SPOCK3: variants seen among roughly 807,000 people sequenced by gnomAD.
SPOCK3 encodes the protein testican-3.
A neutral mutation model predicts 56.6 loss-of-function variants in SPOCK3; 30 were observed. The observed-to-expected ratio is 0.53, with a 90% CI of 0.40 to 0.72. SPOCK3 has a LOEUF of 0.72. Ranked by LOEUF, SPOCK3 falls within the 30% of genes least tolerant of loss-of-function variation. SPOCK3 has a pLI of 0.00. For synonymous variants in SPOCK3, 196 were observed against 183.3 expected (o/e 1.07, Z -0.56); for missense variants, 527 against 530.0 (o/e 0.99, Z 0.06).
chr4:166,914,388 T>G (rs1021168841), intron 4 of SPOCK3, among the ~76,000 whole-genome samples: 3 of 151,976 alleles, frequency 2.0e-5, no homozygotes, highest in Non-Finnish European at 4.4e-5. Context: ...TATTAATAAA[T>G]TTCTCTTATA....
intron 4 of SPOCK3, among the ~76,000 whole-genome samples, chr4:166,987,780 C>T (rs553562322): frequency 2.0e-5 from 3 of 152,230 alleles, no homozygotes; most frequent in African/African-American, 7.2e-5. Flanking sequence ...TTTCTATTTA[C>T]AGAAGGACTA....
chr4:166,968,791 C>T (rs1011229902), intron 4 of SPOCK3, among the ~76,000 whole-genome samples: 6 of 152,156 alleles, frequency 3.9e-5, no homozygotes, highest in Admixed American at 1.3e-4. Context: ...GCCTAGCGGA[C>T]GTATGAGAAC....
Position 166,889,011 on chromosome 4 carries a change from T to C in SPOCK3, c.589+119A>G, listed in dbSNP as rs1460552617. 8 of 661,116 alleles carry C rather than the reference T, an allele frequency of 1.2e-5. No individual in the cohort carries two copies. In the Admixed American group the frequency reaches 2.3e-4, roughly 19 times the overall value. The allele number at this position is 661,116 out of a possible 1,614,324, so 41.0% of individuals were successfully genotyped here. A position where few individuals can be genotyped will look rare whatever the true frequency, so the allele number is the denominator to read the frequency against. ...AAAATATCTTCAATAAAAATATAAATGATATTGGGTATTTGTATAAAAACA... is the reference window on the plus strand; with the variant it reads ...AAAATATCTTCAATAAAAATATAAACGATATTGGGTATTTGTATAAAAACA... On this transcript the variant is annotated intron_variant, in intron 6 of 10. Coordinates refer to ENST00000357545, the MANE Select transcript of SPOCK3 (RefSeq NM_001040159.2).
intron 8 of SPOCK3, among the ~76,000 whole-genome samples, chr4:166,745,294 C>G (rs1560811773): frequency 6.6e-6 from 1 of 152,168 alleles, no homozygotes; most frequent in Non-Finnish European, 1.5e-5. Context: ...GATCTCTCAG[C>G]AGAAACTCTA....
At chr4:167,117,223 A>G (rs1454425349) in intron 2 of SPOCK3, among the ~76,000 whole-genome samples, 1 of 152,094 alleles carries the variant, frequency 6.6e-6, no homozygotes, top group Admixed American at 6.6e-5. Context: ...TATCCATAAA[A>G]ATTTAAAAAA....
At chr4:166,749,408 G>T (rs900573587) in intron 8 of SPOCK3, among the ~76,000 whole-genome samples, 1 of 150,984 alleles carries the variant, frequency 6.6e-6, no homozygotes, top group Non-Finnish European at 1.5e-5. Context: ...AACACCACAT[G>T]TTCTCACTCA....
chr4:166,940,621 C>G (rs953053070), intron 4 of SPOCK3, among the ~76,000 whole-genome samples: 3 of 151,340 alleles, frequency 2.0e-5, no homozygotes, highest in African/African-American at 7.3e-5. Context: ...TAAAAAACCC[C>G]TAGGAAGAGA....
At chr4:167,109,562 G>A in intron 2 of SPOCK3, among the ~76,000 whole-genome samples, 1 of 125,250 alleles carries the variant, frequency 8.0e-6, no homozygotes, top group Non-Finnish European at 1.6e-5. Flanking sequence ...ATATAAATAT[G>A]TTACAAATAT....
intron 2 of SPOCK3, among the ~76,000 whole-genome samples, chr4:167,206,303 G>A (rs534211994): frequency 2.6e-5 from 4 of 152,020 alleles, no homozygotes; most frequent in Non-Finnish European, 4.4e-5. Context: ...CAGCCTGAGC[G>A]ACAGAAGTGA....
At chr4:166,902,947 T>C (rs1736214601) in intron 5 of SPOCK3, among the ~76,000 whole-genome samples, 1 of 150,762 alleles carries the variant, frequency 6.6e-6, no homozygotes. Flanking sequence ...AATTTGTCTC[T>C]AACAATTTTA....
intron 3 of SPOCK3, among the ~76,000 whole-genome samples, chr4:167,027,931 T>A (rs1751856203): frequency 6.6e-6 from 1 of 152,022 alleles, no homozygotes; most frequent in Admixed American, 6.6e-5. Context: ...AAGTTTTGTT[T>A]TTTGTTTTCT....
intron 6 of SPOCK3, among the ~76,000 whole-genome samples, chr4:166,879,297 G>A (rs1733445602): frequency 6.6e-6 from 1 of 152,042 alleles, no homozygotes; most frequent in Admixed American, 6.6e-5. Flanking sequence ...GGGAGCCTGA[G>A]GTAAGAGGAT....
At chr4:167,224,175 TC>T (rs942590608) in intron 2 of SPOCK3, among the ~76,000 whole-genome samples, 1 of 152,198 alleles carries the variant, frequency 6.6e-6, no homozygotes, top group Admixed American at 6.6e-5. Flanking sequence ...ACATATTTTT[TC>T]ATTTTTATTA....
At chr4:166,883,697 G>T (rs1579529768) in intron 6 of SPOCK3, among the ~76,000 whole-genome samples, 1 of 152,140 alleles carries the variant, frequency 6.6e-6, no homozygotes, top group Admixed American at 6.5e-5. Context: ...AAGGGCCAAG[G>T]TTTGAAACAA....
intron 6 of SPOCK3, among the ~76,000 whole-genome samples, chr4:166,881,220 T>A (rs1733652114): frequency 6.6e-6 from 1 of 151,990 alleles, no homozygotes; most frequent in Non-Finnish European, 1.5e-5. Context: ...AGTCACATAA[T>A]TGCATTTTTT....
intron 2 of SPOCK3, among the ~76,000 whole-genome samples, chr4:167,165,043 T>C (rs978331489): frequency 6.6e-6 from 1 of 152,182 alleles, no homozygotes; most frequent in African/African-American, 2.4e-5. Context: ...TGAACTAATT[T>C]ACACTCCCAC....
chr4:166,742,412 T>C (rs1734973512), intron 8 of SPOCK3, among the ~76,000 whole-genome samples: 1 of 152,156 alleles, frequency 6.6e-6, no homozygotes. Context: ...TGAAAAATAC[T>C]TCTTATCATT....
intron 4 of SPOCK3, among the ~76,000 whole-genome samples, chr4:166,993,633 T>C (rs1748039418): frequency 6.6e-6 from 1 of 152,172 alleles, no homozygotes; most frequent in African/African-American, 2.4e-5. Flanking sequence ...AAATTTCATA[T>C]CCTATGATCA....
chr4:167,196,272 T>A (rs980690996), intron 2 of SPOCK3, among the ~76,000 whole-genome samples: 7 of 152,172 alleles, frequency 4.6e-5, no homozygotes, highest in Non-Finnish European at 1.0e-4. Context: ...GGGTTTTATT[T>A]TCATTTTCAT....
Sources: allele counts gnomAD v4.1 joint callset (sites outside exome capture counted in the v4.1 genomes callset), GRCh38; gene constraint gnomAD v4.1.1; transcripts MANE v1.5; gene names NCBI Gene and HGNC (gene_info 2026-07-23, HGNC 2026-07-21).